CNTN5: variants seen among roughly 807,000 people sequenced by gnomAD.
CNTN5 encodes the protein contactin-5.
In CNTN5, 77 loss-of-function variants were observed where a neutral mutation model predicts 129.1. That is an observed-to-expected ratio of 0.60 (90% confidence interval 0.50 to 0.72). CNTN5 has a LOEUF of 0.72. Ranked by LOEUF, CNTN5 falls within the 30% of genes least tolerant of loss-of-function variation. The pLI, the probability that CNTN5 is intolerant of heterozygous loss-of-function variation, is 0.00. For missense variants in CNTN5, 1,478 were observed against 1,328.8 expected, an observed-to-expected ratio of 1.11 and a Z score of -1.75; for synonymous variants, 509 against 465.6, an observed-to-expected ratio of 1.09 and a Z score of -1.20.
chr11:99,744,058 GC>G, intron 3 of CNTN5, among the ~76,000 whole-genome samples: 1 of 152,166 alleles, frequency 6.6e-6, no homozygotes, highest in South Asian at 2.1e-4. Context: ...TTTACATGTT[GC>G]CATATTGGAA....
chr11:100,207,400 A>AC, intron 15 of CNTN5, among the ~76,000 whole-genome samples: 1 of 152,194 alleles, frequency 6.6e-6, no homozygotes, highest in African/African-American at 2.4e-5. Flanking sequence ...TTCTTTATAT[A>AC]CCTTACACAT....
At chr11:99,495,466 G>A (rs921564929) in intron 2 of CNTN5, among the ~76,000 whole-genome samples, 17 of 152,198 alleles carry the variant, frequency 1.1e-4, no homozygotes, top group Non-Finnish European at 2.4e-4. Context: ...TCTGGAATTA[G>A]CAAGTCTTTG....
At chr11:99,213,230 TA>T (rs1859900661) in intron 1 of CNTN5, among the ~76,000 whole-genome samples, 1 of 105,900 alleles carries the variant, frequency 9.4e-6, no homozygotes, top group African/African-American at 3.3e-5. Flanking sequence ...TATATATATA[TA>T]TTTTTTTCTA....
intron 20 of CNTN5, among the ~76,000 whole-genome samples, chr11:100,304,166 A>G (rs1303364873): frequency 6.6e-6 from 1 of 151,648 alleles, no homozygotes; most frequent in African/African-American, 2.4e-5. Flanking sequence ...AATCTATCAG[A>G]AACAAACGTA....
At chr11:100,302,504 G>T (rs78264207) in intron 20 of CNTN5, among the ~76,000 whole-genome samples, 2,946 of 151,650 alleles carry the variant, frequency 0.019, 91 homozygotes, top group African/African-American at 0.066. Flanking sequence ...AGAGGAGTGA[G>T]ACTGCCTTAC....
chr11:100,337,729 G>A (rs554068876), intron 21 of CNTN5: 4 of 448,604 alleles, frequency 8.9e-6, no homozygotes, highest in African/African-American at 8.0e-5. Context: ...CTAGAAGTCA[G>A]TTTCATCTAT....
chr11:99,181,099 GT>G (rs1858035494), intron 1 of CNTN5, among the ~76,000 whole-genome samples: 1 of 152,128 alleles, frequency 6.6e-6, no homozygotes, highest in Non-Finnish European at 1.5e-5. Context: ...CTGTGATGGG[GT>G]ACCACCACCA....
At chr11:99,744,577 G>A (rs191718665) in intron 3 of CNTN5, among the ~76,000 whole-genome samples, 2 of 102,452 alleles carry the variant, frequency 2.0e-5, no homozygotes, top group East Asian at 5.1e-4. Context: ...AAAAAAAGCT[G>A]GGTGTAGTGG....
At chr11:99,433,012 GAA>G (rs202138426) in intron 2 of CNTN5, among the ~76,000 whole-genome samples, 4 of 135,838 alleles carry the variant, frequency 2.9e-5, no homozygotes, top group Non-Finnish European at 3.2e-5. Flanking sequence ...TGATTACCAG[GAA>G]AAAAAAAAAA....
At chr11:99,160,612 T>A (rs1860561827) in intron 1 of CNTN5, among the ~76,000 whole-genome samples, 1 of 152,100 alleles carries the variant, frequency 6.6e-6, no homozygotes, top group South Asian at 2.1e-4. Context: ...CAAAGGGGAG[T>A]AAACTTAATT....
intron 18 of CNTN5, among the ~76,000 whole-genome samples, chr11:100,284,562 C>T (rs1950723879): frequency 6.6e-6 from 1 of 152,098 alleles, no homozygotes; most frequent in Non-Finnish European, 1.5e-5. Flanking sequence ...GAAATACACA[C>T]TGTGGGTGAA....
chr11:99,303,753 GA>G (rs1302771299), intron 1 of CNTN5, among the ~76,000 whole-genome samples: 1 of 151,964 alleles, frequency 6.6e-6, no homozygotes, highest in African/African-American at 2.4e-5. Context: ...TTTCTTTGGT[GA>G]TTGCATAAGA....
intron 13 of CNTN5, among the ~76,000 whole-genome samples, chr11:100,142,083 T>G (rs965865429): frequency 2.6e-5 from 4 of 152,156 alleles, no homozygotes; most frequent in Non-Finnish European, 4.4e-5. Context: ...CGCCAGGCTC[T>G]CTGGCCTTTG....
chr11:99,904,857 CTT>C (rs1181196249), intron 6 of CNTN5, among the ~76,000 whole-genome samples: 1 of 152,174 alleles, frequency 6.6e-6, no homozygotes, highest in African/African-American at 2.4e-5. Flanking sequence ...GATGGTATCT[CTT>C]TGTGGTTTTG....
At chr11:99,386,115 G>A (rs1228445142) in intron 2 of CNTN5, among the ~76,000 whole-genome samples, 1 of 152,134 alleles carries the variant, frequency 6.6e-6, no homozygotes, top group Non-Finnish European at 1.5e-5. Flanking sequence ...CCATGGAGAA[G>A]GAGTTAGGAT....
chr11:99,335,090 C>A (rs1338108872), intron 2 of CNTN5, among the ~76,000 whole-genome samples: 1 of 152,136 alleles, frequency 6.6e-6, no homozygotes, highest in African/African-American at 2.4e-5. Flanking sequence ...AATTGGAAAA[C>A]CTATAATAAC....
chr11:99,827,327 G>A (rs111642081), intron 4 of CNTN5, among the ~76,000 whole-genome samples: 176 of 152,258 alleles, frequency 1.2e-3, no homozygotes, highest in African/African-American at 4.0e-3. Flanking sequence ...GAGCTCAGGC[G>A]ATCCACGCAC....
chr11:100,257,122 G>C (rs1029652824), intron 17 of CNTN5, among the ~76,000 whole-genome samples: 2 of 152,130 alleles, frequency 1.3e-5, no homozygotes, highest in African/African-American at 4.8e-5. Context: ...CACCATTACT[G>C]AGGATTGAGT....
chr11:100,016,906 G>T (rs1940852633), intron 9 of CNTN5, among the ~76,000 whole-genome samples: 1 of 151,524 alleles, frequency 6.6e-6, no homozygotes, highest in African/African-American at 2.4e-5. Flanking sequence ...GTGCAGAACA[G>T]GTTCCATGTC....
Sources: allele counts gnomAD v4.1 joint callset (sites outside exome capture counted in the v4.1 genomes callset), GRCh38; gene constraint gnomAD v4.1.1; transcripts MANE v1.5; gene names NCBI Gene and HGNC (gene_info 2026-07-23, HGNC 2026-07-21).